Variants in TMEM117 observed in about 807,000 individuals in gnomAD.
The protein encoded by TMEM117 is transmembrane protein 117.
A neutral mutation model predicts 52.4 loss-of-function variants in TMEM117; 27 were observed. The ratio of observed to expected loss-of-function variants is 0.51; its 90% CI spans 0.38 to 0.71. TMEM117 has a LOEUF of 0.71. TMEM117 is among the 30% of genes least tolerant of loss of function. TMEM117 has a pLI of 0.00. For synonymous variants in TMEM117, 215 were observed against 206.3 expected (o/e 1.04, Z -0.36); for missense variants, 556 against 630.5 (o/e 0.88, Z 1.26).
At chr12:43,890,703 T>C (rs1369888766) in intron 2 of TMEM117, among the ~76,000 whole-genome samples, 1 of 152,126 alleles carries the variant, frequency 6.6e-6, no homozygotes, top group African/African-American at 2.4e-5. Context: ...GGCTAGTTTT[T>C]GTATTTTCAG....
At chr12:43,961,606 A>G (rs1945404662) in intron 3 of TMEM117, among the ~76,000 whole-genome samples, 1 of 152,206 alleles carries the variant, frequency 6.6e-6, no homozygotes, top group Non-Finnish European at 1.5e-5. Flanking sequence ...ATAATATTTC[A>G]TTAGGGTTCA....
chr12:44,228,433 G>GA (rs1949890833), intron 5 of TMEM117, among the ~76,000 whole-genome samples: 1 of 152,066 alleles, frequency 6.6e-6, no homozygotes, highest in African/African-American at 2.4e-5. Context: ...AACATATGTG[G>GA]AAAAAACAGA....
In TMEM117 at chr12:44,280,641, A is replaced by T. The variant is rs887671909; in HGVS notation, c.609-18939A>T. 8.5e-5 allele frequency among the ~76,000 whole-genome samples: 13 copies of T among 152,228 alleles called. No homozygotes were observed. The East Asian group carries it at 2.1e-3, about 25-fold the overall frequency. ...TTGGCAGCAAGTTACTTAAGGGCAG[A>T]GGTCATTCCCATGTCTCTATATTTT... On this transcript the variant is annotated intron_variant, in intron 5 of 7. Coordinates refer to ENST00000266534, the MANE Select transcript of TMEM117 (RefSeq NM_032256.3).
chr12:43,948,410 A>G (rs1455279718), intron 3 of TMEM117, among the ~76,000 whole-genome samples: 3 of 151,438 alleles, frequency 2.0e-5, no homozygotes, highest in Admixed American at 6.6e-5. Flanking sequence ...GGTTCATGCC[A>G]TTCTCCTGCC....
At chr12:44,009,895 G>A in intron 3 of TMEM117, 2 of 272,994 alleles carry the variant, frequency 7.3e-6, no homozygotes, top group East Asian at 9.1e-5. Flanking sequence ...TACTCTTTTG[G>A]GTGGATCTCT....
intron 2 of TMEM117, among the ~76,000 whole-genome samples, chr12:43,888,238 C>T (rs923179803): frequency 2.6e-4 from 40 of 152,138 alleles, no homozygotes; most frequent in African/African-American, 9.7e-4. Context: ...TACAAAATGC[C>T]AAACCCTCCA....
intron 4 of TMEM117, among the ~76,000 whole-genome samples, chr12:44,167,606 G>T (rs1055205131): frequency 2.0e-5 from 3 of 152,072 alleles, no homozygotes; most frequent in Admixed American, 2.0e-4. Flanking sequence ...GGCAGAATTT[G>T]CAGTGAGCTG....
chr12:44,158,249 T>A (rs1354664697), intron 4 of TMEM117, among the ~76,000 whole-genome samples: 4 of 152,154 alleles, frequency 2.6e-5, no homozygotes, highest in African/African-American at 9.7e-5. Context: ...TTGACTTGTC[T>A]ATAAAAGTAA....
At chr12:43,978,383 A>C (rs1161785676) in intron 3 of TMEM117, among the ~76,000 whole-genome samples, 2 of 152,194 alleles carry the variant, frequency 1.3e-5, no homozygotes, top group Non-Finnish European at 2.9e-5. Flanking sequence ...AAGCAGAGTC[A>C]TTAATAATAT....
intron 6 of TMEM117, among the ~76,000 whole-genome samples, chr12:44,322,332 A>G: frequency 6.6e-6 from 1 of 152,210 alleles, no homozygotes. Context: ...GCAAAAATGT[A>G]AATGAATGAT....
In TMEM117 at chr12:44,152,060, A is replaced by G. The variant is rs912487081; in HGVS notation, c.510+8436A>G. Reference sequence around the variant, plus strand: ...TATATTATATTAATCATATATTTATATTATAGATATAATATATATTTATAT... The same window carrying G: ...TATATTATATTAATCATATATTTATGTTATAGATATAATATATATTTATAT... On this transcript the variant is annotated intron_variant, in intron 4 of 7. Coordinates refer to ENST00000266534, the MANE Select transcript of TMEM117 (RefSeq NM_032256.3). 4.5e-3 allele frequency among the ~76,000 whole-genome samples: 525 copies of G among 117,674 alleles called. 5 individuals are homozygous for G. The highest frequency in any genetic ancestry group is 0.018 in the African/African-American group (515 of 28,972). The allele number at this position is 117,674 out of a possible 152,430, so 77.2% of individuals were successfully genotyped here.
chr12:44,223,408 C>A (rs1243574207), intron 5 of TMEM117, among the ~76,000 whole-genome samples: 1 of 149,018 alleles, frequency 6.7e-6, no homozygotes, highest in Non-Finnish European at 1.5e-5. Context: ...CCTTACTCAA[C>A]CCCCCAGACC....
chr12:44,108,240 A>G (rs1156650189), intron 3 of TMEM117, among the ~76,000 whole-genome samples: 2 of 150,694 alleles, frequency 1.3e-5, no homozygotes, highest in Non-Finnish European at 3.0e-5. Context: ...GTTTTAGGGT[A>G]CATGTGCACA....
At chr12:43,810,411 T>C in the TMEM117 span, among the ~76,000 whole-genome samples, 1 of 152,200 alleles carries the variant, frequency 6.6e-6, no homozygotes, top group Non-Finnish European at 1.5e-5. Context: ...ACAGGAGATA[T>C]TATCTCATAC....
At chr12:44,137,530 G>T (rs1008095576) in intron 3 of TMEM117, among the ~76,000 whole-genome samples, 1 of 152,106 alleles carries the variant, frequency 6.6e-6, no homozygotes, top group Non-Finnish European at 1.5e-5. Context: ...TTTTCACGCT[G>T]CTGATAAAGA....
At chr12:44,180,594 A>C (rs1949182282) in intron 4 of TMEM117, among the ~76,000 whole-genome samples, 1 of 146,570 alleles carries the variant, frequency 6.8e-6, no homozygotes, top group Non-Finnish European at 1.5e-5. Context: ...ATGAGTGAGA[A>C]TATGCGGTGT....
intron 4 of TMEM117, among the ~76,000 whole-genome samples, chr12:44,210,265 T>TATAAC (rs1949628129): frequency 6.6e-6 from 1 of 152,246 alleles, no homozygotes; most frequent in South Asian, 2.1e-4. Flanking sequence ...TGTGCATGTG[T>TATAAC]ATAACATACA....
At chr12:43,949,580 T>G (rs1945187862) in intron 3 of TMEM117, among the ~76,000 whole-genome samples, 1 of 152,214 alleles carries the variant, frequency 6.6e-6, no homozygotes, top group African/African-American at 2.4e-5. Flanking sequence ...TGAGATCTTG[T>G]CGGGAAGCTG....
intron 3 of TMEM117, among the ~76,000 whole-genome samples, chr12:44,125,567 C>G (rs1375477241): frequency 6.6e-6 from 1 of 152,130 alleles, no homozygotes; most frequent in Non-Finnish European, 1.5e-5. Context: ...GACATTCCCC[C>G]TTATCATTTC....
Sources: gnomAD v4.1 joint callset for allele counts (sites outside exome capture counted in the v4.1 genomes callset) on GRCh38, gnomAD v4.1.1 for gene constraint, MANE v1.5 for transcripts, NCBI Gene and HGNC (gene_info 2026-07-23, HGNC 2026-07-21) for gene names.